The following DLG2 variants were observed in gnomAD, a reference collection of about 807,000 sequenced individuals.
DLG2 encodes the protein discs large MAGUK scaffold protein 2.
DLG2 carries 45 observed loss-of-function variants against 132.5 expected under a neutral mutation model. The ratio of observed to expected loss-of-function variants is 0.34; its 90% CI spans 0.27 to 0.44. DLG2 has a LOEUF of 0.44. Ranked by LOEUF, DLG2 falls within the 20% of genes least tolerant of loss-of-function variation. The probability of loss-of-function intolerance (pLI) is 1.00; values close to 1 mark genes in which losing one functional copy is unlikely to be tolerated. For synonymous variants in DLG2, 424 were observed against 419.6 expected (o/e 1.01, Z -0.13); for missense variants, 1,045 against 1,196.9 (o/e 0.87, Z 1.87).
chr11:83,978,214 A>G (rs571928107), intron 12 of DLG2, among the ~76,000 whole-genome samples: 1 of 152,000 alleles, frequency 6.6e-6, no homozygotes, highest in Non-Finnish European at 1.5e-5. Flanking sequence ...AAAAATTTAA[A>G]CAAAACTTCA....
chr11:84,271,653 G>C lies in DLG2; in HGVS notation c.520-20362C>G, dbSNP rs370032833. ...TCTTTATGTGCCAGGCACTGTGCTA[G>C]ACACTGGGAATAGATGCACTTCTGT... On this transcript the variant is annotated intron_variant, in intron 7 of 27. Transcript: ENST00000376104. 4.2e-4 allele frequency among the ~76,000 whole-genome samples: 64 copies of C among 152,288 alleles called. 1 individual carries two copies. In the South Asian group the frequency reaches 0.013, roughly 31 times the overall value.
chr11:85,408,511 G>C (rs1481065339), intron 3 of DLG2, among the ~76,000 whole-genome samples: 2 of 149,506 alleles, frequency 1.3e-5, no homozygotes, highest in Non-Finnish European at 3.0e-5. Flanking sequence ...TCGTCATCTA[G>C]CATTAGGTAT....
intron 11 of DLG2, among the ~76,000 whole-genome samples, chr11:84,038,678 A>G (rs1461707458): frequency 6.6e-6 from 1 of 152,072 alleles, no homozygotes; most frequent in Non-Finnish European, 1.5e-5. Context: ...CTATGTATAT[A>G]TAAGTCTGTT....
chr11:85,504,886 A>C (rs1182697903), intron 3 of DLG2, among the ~76,000 whole-genome samples: 3 of 152,066 alleles, frequency 2.0e-5, no homozygotes, highest in East Asian at 3.9e-4. Context: ...CTTTTATTTC[A>C]TTGAGCAGTG....
At chr11:83,922,518 T>C (rs1389099226) in intron 15 of DLG2, among the ~76,000 whole-genome samples, 1 of 152,186 alleles carries the variant, frequency 6.6e-6, no homozygotes, top group East Asian at 1.9e-4. Context: ...TAAAGAATTC[T>C]TTAAGATTAT....
At chr11:85,201,053 G>GTC (rs1373597799) in intron 4 of DLG2, among the ~76,000 whole-genome samples, 21 of 151,676 alleles carry the variant, frequency 1.4e-4, no homozygotes, top group African/African-American at 4.6e-4. Flanking sequence ...GTGTAGCCCA[G>GTC]TCTCAGCTCC....
intron 3 of DLG2, among the ~76,000 whole-genome samples, chr11:85,487,108 A>G (rs2153099710): frequency 6.6e-6 from 1 of 151,670 alleles, no homozygotes; most frequent in South Asian, 2.1e-4. Context: ...AAAACTTCCT[A>G]TTCAGCCAAC....
chr11:83,499,620 G>T (rs560937652), intron 21 of DLG2, among the ~76,000 whole-genome samples: 2 of 149,720 alleles, frequency 1.3e-5, no homozygotes, highest in East Asian at 4.0e-4. Context: ...TACACTCTCC[G>T]TATTGCCTCC....
chr11:84,753,128 G>A (rs1438439773), intron 6 of DLG2, among the ~76,000 whole-genome samples: 2 of 152,044 alleles, frequency 1.3e-5, no homozygotes, highest in Non-Finnish European at 2.9e-5. Context: ...AAAGATTTTT[G>A]GGCAAGAATA....
chr11:83,892,833 T>C (rs1166830079), intron 15 of DLG2, among the ~76,000 whole-genome samples: 1 of 152,170 alleles, frequency 6.6e-6, no homozygotes, highest in Admixed American at 6.5e-5. Context: ...TGTTACCACC[T>C]GGTATATGCA....
At chr11:84,842,037 T>A (rs2080764253) in intron 6 of DLG2, among the ~76,000 whole-genome samples, 1 of 151,982 alleles carries the variant, frequency 6.6e-6, no homozygotes, top group Non-Finnish European at 1.5e-5. Flanking sequence ...TATTTTTACT[T>A]ACTATATTCT....
At chr11:84,064,249 G>A (rs10898198) in intron 10 of DLG2, among the ~76,000 whole-genome samples, 122,989 of 151,918 alleles carry the variant, frequency 0.81, 50,613 homozygotes, top group Middle Eastern at 0.92. Context: ...AAATTCCCAT[G>A]CATTATGCAT....
intron 8 of DLG2, among the ~76,000 whole-genome samples, chr11:84,213,552 G>T (rs931541789): frequency 6.6e-6 from 1 of 152,134 alleles, no homozygotes; most frequent in Non-Finnish European, 1.5e-5. Flanking sequence ...AGGCGCGGTG[G>T]CTCATGCCTG....
At chr11:84,910,780 C>T (rs563338701) in intron 6 of DLG2, among the ~76,000 whole-genome samples, 164 of 152,152 alleles carry the variant, frequency 1.1e-3, no homozygotes, top group South Asian at 2.7e-3. Flanking sequence ...ACAACAACAA[C>T]AACAACAACA....
chr11:84,969,710 GAC>G (rs1164023623), intron 6 of DLG2, among the ~76,000 whole-genome samples: 2 of 152,120 alleles, frequency 1.3e-5, no homozygotes, highest in Non-Finnish European at 2.9e-5. Context: ...AACAAGAAAA[GAC>G]ACATGCACAT....
chr11:85,394,103 G>A (rs911255986), intron 3 of DLG2, among the ~76,000 whole-genome samples: 20 of 152,236 alleles, frequency 1.3e-4, no homozygotes, highest in Non-Finnish European at 2.2e-4. Flanking sequence ...CTATATATCA[G>A]CAGAAGACAG....
At chr11:84,459,128 A>G (rs1480066696) in intron 7 of DLG2, among the ~76,000 whole-genome samples, 1 of 150,486 alleles carries the variant, frequency 6.6e-6, no homozygotes, top group African/African-American at 2.4e-5. Context: ...TTTTCAGCAC[A>G]TTGTCAATTT....
intron 8 of DLG2, among the ~76,000 whole-genome samples, chr11:84,206,965 T>G (rs1247878768): frequency 1.3e-5 from 2 of 151,952 alleles, no homozygotes; most frequent in Middle Eastern, 3.2e-3. Context: ...GTTATTTGCA[T>G]GTATGTATAT....
intron 6 of DLG2, among the ~76,000 whole-genome samples, chr11:84,826,143 A>G (rs986511954): frequency 6.6e-6 from 1 of 151,876 alleles, no homozygotes; most frequent in Non-Finnish European, 1.5e-5. Flanking sequence ...TGTAATAATC[A>G]TATTAGGTTA....
Sources: gnomAD v4.1 joint callset for allele counts (sites outside exome capture counted in the v4.1 genomes callset) on GRCh38, gnomAD v4.1.1 for gene constraint, MANE v1.5 for transcripts, NCBI Gene and HGNC (gene_info 2026-07-23, HGNC 2026-07-21) for gene names.